The following KIR3DL3 variants were observed in gnomAD, a reference collection of about 807,000 sequenced individuals.
KIR3DL3 encodes killer cell immunoglobulin-like receptor 3DL3.
Under a neutral mutation model 34.9 loss-of-function variants are expected in KIR3DL3, and 27 were observed. The observed-to-expected ratio is 0.77, with a 90% CI of 0.57 to 1.07. KIR3DL3 has a LOEUF of 1.07. Among genes scored for constraint, KIR3DL3 ranks in the 50% least tolerant of loss-of-function variants. KIR3DL3 has a pLI of 0.00. For missense variants in KIR3DL3, 681 were observed against 528.5 expected (o/e 1.29, Z -2.83); for synonymous variants, 217 against 200.2 (o/e 1.08, Z -0.71).
chr19:54,736,593 A>G lies in KIR3DL3; in HGVS notation c.*497A>G, dbSNP rs1483388619. On this transcript the variant is annotated 3_prime_UTR_variant, in exon 8 of 8. Coordinates refer to ENST00000291860, the MANE Select transcript of KIR3DL3 (RefSeq NM_153443.5). Reference sequence around the variant, plus strand: ...CTTATAAATTTTTTTTATAATTTCAATGTAGTTTTCTATTCTTCAAGTAAA... The same window carrying G: ...CTTATAAATTTTTTTTATAATTTCAGTGTAGTTTTCTATTCTTCAAGTAAA... The G allele has an allele frequency of 8.5e-5, 14 of 165,380 alleles. No individual in the cohort carries two copies. The highest frequency in any genetic ancestry group is 3.1e-4 in the African/African-American group (12 of 38,186). The allele number at this position is 165,380 out of a possible 1,614,324, so 10.2% of individuals were successfully genotyped here. A position where few individuals can be genotyped will look rare whatever the true frequency, so the allele number is the denominator to read the frequency against.
intron 5 of KIR3DL3, among the ~76,000 whole-genome samples, chr19:54,732,555 C>A (rs1371480783): frequency 6.6e-6 from 1 of 152,100 alleles, no homozygotes; most frequent in African/African-American, 2.4e-5. Flanking sequence ...CTGCGCCCAG[C>A]CAGGATTTAA....
chr19:54,725,763 T>C (rs1482539015), intron 2 of KIR3DL3, among the ~76,000 whole-genome samples: 1 of 152,184 alleles, frequency 6.6e-6, no homozygotes, highest in Non-Finnish European at 1.5e-5. Context: ...GTTCATGCAT[T>C]AGCTGATCAT....
In KIR3DL3 at chr19:54,727,638, C is replaced by T; in HGVS notation, c.383C>T (p.Ala128Val). 6.2e-7 allele frequency: 1 copy of T among 1,611,634 alleles called. No individual in the cohort carries two copies. ...GTCCACAGAAAACCTTCCCTCCTGG[C>T]CCACCCAGGTCCCCTGGTGAAATCA... ...TGVHRKPSLL[A>V]HPGPLVKSGE... is the part of the protein sequence containing the mutation. Residue 128 changes from alanine to valine, a missense_variant, in exon 4 of 8, where the codon GCC becomes GTC. Ala to Val is a moderately conservative substitution (Grantham distance 64). Coordinates refer to ENST00000291860, the MANE Select transcript of KIR3DL3 (RefSeq NM_153443.5).
At chr19:54,734,280 C>T (rs2069179765) in intron 5 of KIR3DL3, among the ~76,000 whole-genome samples, 1 of 151,524 alleles carries the variant, frequency 6.6e-6, no homozygotes, top group Admixed American at 6.6e-5. Flanking sequence ...GCACCTGGGC[C>T]TATACCAATT....
Position 54,736,089 on chromosome 19 carries a change from G to A in KIR3DL3, c.1226G>A (p.Ser409Asn). 2.5e-6 allele frequency: 4 copies of A among 1,613,146 alleles called. No individual in the cohort carries two copies. The highest frequency in any genetic ancestry group is 1.6e-4 in the Middle Eastern group (1 of 6,062). The stretch of plus-strand genomic sequence containing the variant: ...CCCAAGACACCCCCAACAGATACCA[G>A]CGTGTAACACGGAACTTCCAAATGC... Reference protein sequence around the residue: ...QRPKTPPTDTSV With the variant: ...QRPKTPPTDTNV The change falls in exon 8 of 8, where the codon AGC becomes AAC. Residue 409 changes from serine (S) to asparagine (N), a missense_variant. By Grantham distance (46) the Ser-to-Asn change is conservative. Coordinates refer to ENST00000291860, the MANE Select transcript of KIR3DL3 (RefSeq NM_153443.5).
intron 3 of KIR3DL3, 86 bp downstream of exon 3, chr19:54,726,423 A>G: frequency 6.6e-7 from 1 of 1,513,102 alleles, no homozygotes; most frequent in East Asian, 2.3e-5. Flanking sequence ...GGGTCCAATC[A>G]TCCAGGCCCC....
Position 54,726,272 on chromosome 19 carries a change from G to T in KIR3DL3, c.290G>T (p.Ser97Ile). ...PAHAGTYRCC[S>I]SHPHSPTGWS... ...CATGCAGGGACCTACAGATGTTGCA[G>T]TTCACACCCACACTCCCCCACTGGG... The change falls in exon 3 of 8, where the codon AGT (serine) becomes ATT (isoleucine). Residue 97 changes from serine to isoleucine, a missense_variant. Coordinates refer to ENST00000291860, the MANE Select transcript of KIR3DL3 (RefSeq NM_153443.5). 6.2e-7 allele frequency: 1 copy of T among 1,614,002 alleles called. No individual in the cohort carries two copies. Among genetic ancestry groups the T allele is most frequent in the East Asian group, 2.2e-5 (1 of 44,872 alleles).
chr19:54,729,020 G>A (rs2068504949), intron 4 of KIR3DL3, among the ~76,000 whole-genome samples: 1 of 148,600 alleles, frequency 6.7e-6, no homozygotes, highest in South Asian at 2.2e-4. Context: ...AACACATGAT[G>A]ATAGATGGAT....
At position 54,724,470 on chromosome 19, in the gene KIR3DL3, C is replaced by T. The variant is rs1194213505; in HGVS notation, c.-27C>T. ...TGTGCTGCTGAACTGAGCTGGGGCGCAGCCGCCTGTCTGCACCGGCAGCAC... is the reference window on the plus strand; with the variant it reads ...TGTGCTGCTGAACTGAGCTGGGGCGTAGCCGCCTGTCTGCACCGGCAGCAC... On this transcript the variant is annotated 5_prime_UTR_variant, in exon 1 of 8. Transcript: ENST00000291860. 2 of 1,612,898 alleles carry T rather than the reference C, an allele frequency of 1.2e-6. No homozygotes were observed. The highest frequency in any genetic ancestry group is 1.7e-6 in the Non-Finnish European group (2 of 1,180,010).
intron 5 of KIR3DL3, among the ~76,000 whole-genome samples, chr19:54,733,855 C>A (rs1370277344): frequency 6.6e-6 from 1 of 152,140 alleles, no homozygotes; most frequent in South Asian, 2.1e-4. Flanking sequence ...GGGAGGTAAA[C>A]ACTAATACTC....
chr19:54,727,389 C>T (rs1484604485), intron 3 of KIR3DL3, among the ~76,000 whole-genome samples: 2 of 133,306 alleles, frequency 1.5e-5, no homozygotes, highest in African/African-American at 5.5e-5. Context: ...ACACTGAGCA[C>T]AGTGGGAAGG....
intron 5 of KIR3DL3, among the ~76,000 whole-genome samples, chr19:54,732,863 T>C (rs2068973109): frequency 6.6e-6 from 1 of 152,108 alleles, no homozygotes; most frequent in Non-Finnish European, 1.5e-5. Flanking sequence ...GAGCATGTTT[T>C]TGATACTCAC....
chr19:54,730,361 C>T (rs1213047569), intron 5 of KIR3DL3, among the ~76,000 whole-genome samples: 1 of 149,734 alleles, frequency 6.7e-6, no homozygotes, highest in African/African-American at 2.5e-5. Flanking sequence ...CAAGACCACC[C>T]TGGCCAACAT....
At position 54,727,887 on chromosome 19, in the gene KIR3DL3, A is replaced by G; in HGVS notation, c.632A>G (p.Asp211Gly). ...HLPYELSAPS[D>G]PLDIVVVGLY... ...CCCTATGAGTTGTCGGCTCCCAGTG[A>G]CCCTCTGGACATCGTGGTCGTAGGT... Residue 211 changes from aspartate to glycine, a missense_variant, in exon 4 of 8, where the codon GAC becomes GGC. Physicochemically the swap from Asp to Gly is moderately conservative, Grantham distance 94. Coordinates refer to ENST00000291860, the MANE Select transcript of KIR3DL3 (RefSeq NM_153443.5). The G allele has an allele frequency of 6.2e-7, 1 of 1,611,740 alleles. No homozygotes were observed. Among genetic ancestry groups the G allele is most frequent in the Non-Finnish European group, 8.5e-7 (1 of 1,178,318 alleles).
Position 54,724,518 on chromosome 19 carries a change from A to G in KIR3DL3, c.22A>G (p.Met8Val). ...CACCATGTCGCTCATGGTCGTCAGC[A>G]TGGCGTGTGTTGGTGAGTCCTGGAA... The part of the protein sequence containing the change: MSLMVVS[M>V]ACVGFFLLEG... Residue 8 changes from methionine (M) to valine (V), a missense_variant, in exon 1 of 8, where the codon ATG (methionine) becomes GTG (valine). Physicochemically the swap from Met to Val is conservative, Grantham distance 21 (BLOSUM62 1). Coordinates refer to ENST00000291860, the MANE Select transcript of KIR3DL3 (RefSeq NM_153443.5). The G allele has an allele frequency of 6.2e-6, 10 of 1,612,786 alleles. No homozygotes were observed. The highest frequency in any genetic ancestry group is 8.5e-6 in the Non-Finnish European group (10 of 1,179,806).
intron 4 of KIR3DL3, among the ~76,000 whole-genome samples, chr19:54,729,226 C>G (rs796701646): frequency 2.6e-5 from 4 of 151,014 alleles, no homozygotes; most frequent in African/African-American, 9.7e-5. Context: ...AGAGGAAGAT[C>G]AAGTCAACCA....
intron 5 of KIR3DL3, 62 bp downstream of exon 5, chr19:54,729,848 CT>C: frequency 1.3e-6 from 2 of 1,500,954 alleles, no homozygotes; most frequent in Non-Finnish European, 1.8e-6. Context: ...GAGGAGCTTC[CT>C]GCTGATGATG....
At position 54,726,108 on chromosome 19, in the gene KIR3DL3, A is replaced by G. The variant is rs1273778413; in HGVS notation, c.126A>G (p.Gly42=). ...SAWPGTVVSE[G]QHVTLQCRSR... ...GGCCCGGCACTGTGGTGTCTGAAGG[A>G]CAACATGTGACTCTTCAGTGTCGCT... Residue 42 remains glycine (G), a synonymous_variant, in exon 3 of 8, where the codon GGA becomes GGG. Coordinates refer to ENST00000291860, the MANE Select transcript of KIR3DL3 (RefSeq NM_153443.5). The G allele has an allele frequency of 1.2e-6, 2 of 1,613,528 alleles. No individual in the cohort carries two copies. The highest frequency in any genetic ancestry group is 1.7e-6 in the Non-Finnish European group (2 of 1,179,806).
At chr19:54,733,763 A>G (rs2069097421) in intron 5 of KIR3DL3, among the ~76,000 whole-genome samples, 1 of 152,200 alleles carries the variant, frequency 6.6e-6, no homozygotes. Context: ...TGCTCTGTTC[A>G]TGGCATAAAA....
Sources: allele counts gnomAD v4.1 joint callset (sites outside exome capture counted in the v4.1 genomes callset), GRCh38; gene constraint gnomAD v4.1.1; transcripts MANE v1.5; gene names NCBI Gene and HGNC (gene_info 2026-07-23, HGNC 2026-07-21).